Variants in MTUS2 observed in about 807,000 individuals in gnomAD.
MTUS2 encodes the protein microtubule-associated tumor suppressor candidate 2.
Under a neutral mutation model 114.1 loss-of-function variants are expected in MTUS2, and 40 were observed. The observed-to-expected ratio is 0.35, with a 90% CI of 0.27 to 0.46. The LOEUF (loss-of-function observed/expected upper bound fraction) is 0.46, where lower values mean the gene tolerates loss of function less well. MTUS2 is among the 20% of genes least tolerant of loss of function. The pLI is 1.00. For synonymous variants in MTUS2, 688 were observed against 672.0 expected (o/e 1.02, Z -0.37); for missense variants, 1,679 against 1,705.4 (o/e 0.98, Z 0.27).
At chr13:29,114,554 T>A (rs892312113) in intron 5 of MTUS2, among the ~76,000 whole-genome samples, 1 of 151,734 alleles carries the variant, frequency 6.6e-6, no homozygotes, top group Non-Finnish European at 1.5e-5. Flanking sequence ...GAAGGAAAAG[T>A]AGGAGGGGGA....
At chr13:29,366,562 T>G (rs1016573715) in intron 8 of MTUS2, among the ~76,000 whole-genome samples, 1 of 152,220 alleles carries the variant, frequency 6.6e-6, no homozygotes, top group Non-Finnish European at 1.5e-5. Flanking sequence ...CTGCCCTTCC[T>G]CAGGGGGTAG....
At chr13:28,945,187 A>ATG (rs1372417341) in intron 2 of MTUS2, among the ~76,000 whole-genome samples, 3 of 151,440 alleles carry the variant, frequency 2.0e-5, no homozygotes, top group Non-Finnish European at 4.4e-5. Flanking sequence ...CATTATATAT[A>ATG]TATATATACA....
intron 5 of MTUS2, among the ~76,000 whole-genome samples, chr13:29,238,388 A>G (rs964922476): frequency 6.6e-6 from 1 of 152,210 alleles, no homozygotes; most frequent in Admixed American, 6.5e-5. Context: ...CAAGCTGAGG[A>G]GCAAGGAAGC....
At chr13:29,281,455 A>G (rs1029834775) in intron 5 of MTUS2, among the ~76,000 whole-genome samples, 2 of 150,286 alleles carry the variant, frequency 1.3e-5, no homozygotes, top group African/African-American at 4.9e-5. Context: ...GTGTGCATGC[A>G]GGCTGCTCCT....
At chr13:28,992,204 G>C (rs9506065) in intron 2 of MTUS2, among the ~76,000 whole-genome samples, 70,078 of 152,106 alleles carry the variant, frequency 0.46, 16,618 homozygotes, top group East Asian at 0.68. Flanking sequence ...AAGTGTCTTA[G>C]CAGCAACTCC....
rs146188130 is a variant in MTUS2 at position 29,168,245 on chromosome 13, G to A, written c.2644+67275G>A. Among the ~76,000 whole-genome samples, 158 of 152,296 alleles carry A rather than the reference G, an allele frequency of 1.0e-3. 1 individual carries two copies. The highest frequency in any genetic ancestry group is 3.7e-3 in the African/African-American group (152 of 41,562). ...TTTCAACACGTTAGCCCTTGAGTAT[G>A]ATTTGTGCTTGTTATGGACGTTGAT... On this transcript the variant is annotated intron_variant, in intron 5 of 15. Transcript: ENST00000612955.
chr13:28,989,064 T>C (rs1355431650), intron 2 of MTUS2, among the ~76,000 whole-genome samples: 1 of 152,238 alleles, frequency 6.6e-6, no homozygotes, highest in East Asian at 1.9e-4. Flanking sequence ...GCAAATGCTT[T>C]CTTGTCAGCA....
intron 1 of MTUS2, among the ~76,000 whole-genome samples, chr13:28,838,469 C>T (rs1875243248): frequency 6.6e-6 from 1 of 152,164 alleles, no homozygotes. Flanking sequence ...TAAATGTTCC[C>T]TTCATTGCCC....
At position 29,024,730 on chromosome 13, in the gene MTUS2, G is replaced by A; in HGVS notation, c.32G>A (p.Cys11Tyr). 6.2e-7 allele frequency: 1 copy of A among 1,613,994 alleles called. No individual in the cohort carries two copies. The highest frequency in any genetic ancestry group is 1.1e-5 in the South Asian group (1 of 91,082). ...GTCCCAGTGGCTCCTAAGAAATCAT[G>A]TTACACTCAGTTGCGGGACAACAGA... MSVPVAPKKSCYTQLRDNRNA... is the reference protein window; with the variant it reads MSVPVAPKKSYYTQLRDNRNA... Residue 11 changes from cysteine (C) to tyrosine (Y), a missense_variant, in exon 3 of 16, where the codon TGT becomes TAT. Physicochemically the swap from Cys to Tyr is radical, Grantham distance 194 (BLOSUM62 -2). Coordinates refer to ENST00000612955, the MANE Select transcript of MTUS2 (RefSeq NM_001033602.4).
chr13:29,158,358 C>CCCCCCCTTTTTTT, intron 5 of MTUS2, among the ~76,000 whole-genome samples: 2 of 32,048 alleles, frequency 6.2e-5, no homozygotes, highest in Non-Finnish European at 1.0e-4. Flanking sequence ...GTCCACCCCG[C>CCCCCCCTTTTTTT]TTTTTTTTTT....
At chr13:29,163,192 A>T (rs1271062972) in intron 5 of MTUS2, among the ~76,000 whole-genome samples, 2 of 152,230 alleles carry the variant, frequency 1.3e-5, no homozygotes, top group East Asian at 3.8e-4. Context: ...TAAAAATAAC[A>T]TTAAAATTCA....
At chr13:29,397,379 G>A (rs1375264491) in intron 8 of MTUS2, among the ~76,000 whole-genome samples, 7 of 152,008 alleles carry the variant, frequency 4.6e-5, no homozygotes, top group Admixed American at 2.0e-4. Flanking sequence ...GTTTCTTGGC[G>A]CCTCTATTTT....
At chr13:28,861,335 C>A (rs956928160) in intron 2 of MTUS2, among the ~76,000 whole-genome samples, 2 of 152,008 alleles carry the variant, frequency 1.3e-5, no homozygotes, top group African/African-American at 4.8e-5. Context: ...TATTGCTCTG[C>A]ATGTAGTTGA....
intron 8 of MTUS2, among the ~76,000 whole-genome samples, chr13:29,383,250 G>GTATATATATATATATATATATTTATTTA (rs763660299): frequency 6.2e-5 from 4 of 64,464 alleles, no homozygotes; most frequent in Admixed American, 1.8e-4. Flanking sequence ...GTGTGTGTGT[G>GTATATATATATATATATATATTTATTTA]TGTATTTATT....
chr13:29,185,785 C>G (rs983483715), intron 5 of MTUS2, among the ~76,000 whole-genome samples: 4 of 152,070 alleles, frequency 2.6e-5, no homozygotes, highest in African/African-American at 9.7e-5. Context: ...AAAAATAATC[C>G]TTTGAAAAAT....
chr13:29,269,916 A>T (rs1439052204), intron 5 of MTUS2, among the ~76,000 whole-genome samples: 1 of 152,180 alleles, frequency 6.6e-6, no homozygotes, highest in East Asian at 1.9e-4. Context: ...ACATAGATGA[A>T]TTTTGAGGAC....
rs1288428590 is a variant in MTUS2, at chr13:29,469,621, T to C, written c.3185-10529T>C. 2.1e-5 allele frequency among the ~76,000 whole-genome samples: 3 copies of C among 142,588 alleles called. No homozygotes were observed. In the East Asian group the frequency reaches 6.0e-4, roughly 29 times the overall value. 93.5% of individuals were successfully genotyped at this position (142,588 alleles called of 152,430 possible). A position where few individuals can be genotyped will look rare whatever the true frequency, so the allele number is the denominator to read the frequency against. The stretch of plus-strand genomic sequence containing the variant: ...CAGCCTGGGCAACAGAGCAAGACTA[T>C]GTCTCAAAAAAAAAAAAAAGAAAGA... On this transcript the variant is annotated intron_variant, in intron 9 of 15. Coordinates refer to ENST00000612955, the MANE Select transcript of MTUS2 (RefSeq NM_001033602.4).
At chr13:29,201,792 G>C (rs773681054) in intron 5 of MTUS2, among the ~76,000 whole-genome samples, 1 of 152,148 alleles carries the variant, frequency 6.6e-6, no homozygotes, top group South Asian at 2.1e-4. Context: ...TGAAATTCTG[G>C]GTTGAAAATT....
chr13:29,268,802 T>C (rs1897765488), intron 5 of MTUS2, among the ~76,000 whole-genome samples: 1 of 152,190 alleles, frequency 6.6e-6, no homozygotes, highest in African/African-American at 2.4e-5. Flanking sequence ...CGATCATAGC[T>C]CACTGCAGCC....
Sources: gnomAD v4.1 joint callset for allele counts (sites outside exome capture counted in the v4.1 genomes callset) on GRCh38, gnomAD v4.1.1 for gene constraint, MANE v1.5 for transcripts, NCBI Gene and HGNC (gene_info 2026-07-23, HGNC 2026-07-21) for gene names.